ZNF280D: variants seen among roughly 807,000 people sequenced by gnomAD.
ZNF280D encodes the protein zinc finger protein 280D.
Under a neutral mutation model 94.7 loss-of-function variants are expected in ZNF280D, and 39 were observed. The observed-to-expected ratio is 0.41, with a 90% CI of 0.32 to 0.54. The LOEUF is 0.54. Among genes scored for constraint, ZNF280D ranks in the 20% least tolerant of loss-of-function variants. The pLI, the probability that ZNF280D is intolerant of heterozygous loss-of-function variation, is 0.22. For synonymous variants in ZNF280D, 398 were observed against 377.6 expected (o/e 1.05, Z -0.63); for missense variants, 1,090 against 1,149.3 (o/e 0.95, Z 0.75).
intron 1 of ZNF280D, among the ~76,000 whole-genome samples, chr15:56,732,138 G>A (rs1018809005): frequency 6.6e-6 from 1 of 152,192 alleles, no homozygotes; most frequent in African/African-American, 2.4e-5. Flanking sequence ...CACCGGAGAA[G>A]GAGTCAGAAG....
chr15:56,670,263 C>T (rs192483709), intron 13 of ZNF280D, among the ~76,000 whole-genome samples: 3 of 150,056 alleles, frequency 2.0e-5, no homozygotes, highest in South Asian at 2.1e-4. Context: ...CACAGGTAAA[C>T]GTGTATCCCG....
Position 56,631,590 on chromosome 15 carries a change from C to G in ZNF280D, c.2848G>C (p.Val950Leu), listed in dbSNP as rs2052076377. The G allele has an allele frequency of 1.2e-6, 2 of 1,614,008 alleles. No individual in the cohort carries two copies. Among genetic ancestry groups the G allele is most frequent in the Middle Eastern group, 1.6e-4 (1 of 6,084 alleles). ...GDPSAKTDEVVSDQTDDIPGG... is the reference protein window; with the variant it reads ...GDPSAKTDEVLSDQTDDIPGG... ...GGAATGTCATCTGTTTGATCAGACA[C>G]TACTTCATCAGTCTTGGCTGAAGGA... The change falls in exon 22 of 22, where the codon GTG becomes CTG. Residue 950 changes from valine to leucine, a missense_variant. Coordinates refer to ENST00000267807, the MANE Select transcript of ZNF280D (RefSeq NM_017661.4).
At chr15:56,692,314 G>A (rs2056467763) in intron 7 of ZNF280D, among the ~76,000 whole-genome samples, 1 of 152,026 alleles carries the variant, frequency 6.6e-6, no homozygotes, top group East Asian at 1.9e-4. Context: ...AAAAAACTGG[G>A]AGAGGGTTTG....
At chr15:56,670,606 G>A (rs554366151) in intron 13 of ZNF280D, among the ~76,000 whole-genome samples, 2 of 152,098 alleles carry the variant, frequency 1.3e-5, no homozygotes, top group East Asian at 1.9e-4. Context: ...GGGCATCTAG[G>A]CTGATTGCAT....
chr15:56,733,023 G>C (rs1190793676), intron 1 of ZNF280D: 1 of 152,426 alleles, frequency 6.6e-6, no homozygotes, highest in East Asian at 1.9e-4. Context: ...CCTTTCCTAC[G>C]ACTGAAGAGA....
At chr15:56,662,936 G>A (rs565158223) in intron 16 of ZNF280D, among the ~76,000 whole-genome samples, 22 of 151,618 alleles carry the variant, frequency 1.5e-4, no homozygotes, top group African/African-American at 5.1e-4. Flanking sequence ...CTGAGAGGAA[G>A]GAACAGGGTA....
At chr15:56,731,676 T>C (rs1185832574) in intron 1 of ZNF280D, among the ~76,000 whole-genome samples, 2 of 152,132 alleles carry the variant, frequency 1.3e-5, no homozygotes, top group African/African-American at 4.8e-5. Context: ...AAATACATAC[T>C]GACACACATA....
chr15:56,717,440 T>C (rs2058105254), intron 1 of ZNF280D, among the ~76,000 whole-genome samples: 1 of 152,122 alleles, frequency 6.6e-6, no homozygotes, highest in African/African-American at 2.4e-5. Context: ...GAACTTTGTG[T>C]GGCTCAAGTA....
At chr15:56,672,178 T>C (rs1186225546) in intron 13 of ZNF280D, among the ~76,000 whole-genome samples, 3 of 152,118 alleles carry the variant, frequency 2.0e-5, no homozygotes, top group Admixed American at 1.3e-4. Context: ...TGTTTCTTTC[T>C]TTTGCCTGAT....
At position 56,704,104 on chromosome 15, in the gene ZNF280D, TA is replaced by T. The variant is rs1457693501; in HGVS notation, c.175+16del. The T allele has an allele frequency of 8.7e-6, 14 of 1,612,782 alleles. No individual in the cohort carries two copies. Among genetic ancestry groups the T allele is most frequent in the Non-Finnish European group, 1.2e-5 (14 of 1,179,626 alleles). The stretch of plus-strand genomic sequence containing the variant: ...AATACCTTATAAAGCTTGGTTTCAC[TA>T]AAAGTAAATGCTTACTTGAAATTGC... On this transcript the variant is annotated intron_variant, in intron 4 of 21. Transcript: ENST00000267807.
chr15:56,653,723 A>G lies in ZNF280D; in HGVS notation c.2213+475T>C, dbSNP rs2140677259. ...ACAAACAGACAAAAGACAAACAGCC[A>G]TATAATTTGGAATCTATTATTCTGA... On this transcript the variant is annotated intron_variant, in intron 19 of 21. Coordinates refer to ENST00000267807, the MANE Select transcript of ZNF280D (RefSeq NM_017661.4). 3.0e-6 allele frequency: 4 copies of G among 1,318,194 alleles called. 1 individual carries two copies. The highest frequency in any genetic ancestry group is 4.5e-5 in the South Asian group (2 of 44,496). 81.7% of individuals were successfully genotyped at this position (1,318,194 alleles called of 1,614,324 possible).
intron 6 of ZNF280D, among the ~76,000 whole-genome samples, chr15:56,696,655 AACT>A (rs1255056072): frequency 2.6e-5 from 4 of 152,224 alleles, no homozygotes; most frequent in Non-Finnish European, 5.9e-5. Flanking sequence ...TAAAATAAAA[AACT>A]ACTATAGTTT....
intron 3 of ZNF280D, among the ~76,000 whole-genome samples, chr15:56,706,867 T>C (rs770977381): frequency 6.6e-6 from 1 of 152,216 alleles, no homozygotes; most frequent in Non-Finnish European, 1.5e-5. Flanking sequence ...TGTACCAAAT[T>C]GGTAAAAGTA....
intron 1 of ZNF280D, among the ~76,000 whole-genome samples, chr15:56,715,937 T>C (rs557906082): frequency 7.9e-5 from 12 of 152,144 alleles, no homozygotes; most frequent in Non-Finnish European, 1.3e-4. Flanking sequence ...CTTTAAAAAA[T>C]ATATAACAAC....
intron 1 of ZNF280D, among the ~76,000 whole-genome samples, chr15:56,722,486 A>T (rs558389999): frequency 3.3e-5 from 5 of 152,228 alleles, no homozygotes; most frequent in Non-Finnish European, 7.3e-5. Flanking sequence ...CATTATTCAT[A>T]ATAGCCAAAA....
At chr15:56,706,990 T>G (rs2057443977) in intron 3 of ZNF280D, 92 bp downstream of exon 3, 2 of 1,318,876 alleles carry the variant, frequency 1.5e-6, no homozygotes, top group Non-Finnish European at 2.2e-6. Flanking sequence ...TTTTGTTTTT[T>G]AAAAAATGTC....
chr15:56,724,354 G>C (rs75556233), intron 1 of ZNF280D, among the ~76,000 whole-genome samples: 5 of 152,104 alleles, frequency 3.3e-5, no homozygotes, highest in Admixed American at 1.3e-4. Flanking sequence ...AGCAGAGCTC[G>C]GTTAGGTTAT....
At position 56,654,434 on chromosome 15, in the gene ZNF280D, T is replaced by C. The variant is rs1209002523; in HGVS notation, c.2127A>G (p.Thr709=). 4.3e-6 allele frequency: 7 copies of C among 1,612,424 alleles called. No individual in the cohort carries two copies. The highest frequency in any genetic ancestry group is 1.7e-5 in the Admixed American group (1 of 59,736). ...TATGAGTTTTATGTTGACTTAAGTG[T>C]GTAGCCATATTATCTAAGCCAGAAA... The part of the protein sequence containing the change: ...SDVSGLDNMA[T]HLSQHKTHTC... Residue 709 remains threonine (T), a synonymous_variant, in exon 18 of 22, where the codon ACA becomes ACG. Transcript: ENST00000267807.
rs970066815 is a variant in ZNF280D, at chr15:56,653,534, A to G, written c.2213+664T>C. ...GAGAGAACAGGCATCAGTTGTGTCCATCGAAGGGGGACACTGTCCAGGTAT... is the reference window on the plus strand; with the variant it reads ...GAGAGAACAGGCATCAGTTGTGTCCGTCGAAGGGGGACACTGTCCAGGTAT... On this transcript the variant is annotated intron_variant, in intron 19 of 21. Transcript: ENST00000267807. 1.4e-5 allele frequency: 21 copies of G among 1,523,036 alleles called. No homozygotes were observed. In the East Asian group the frequency reaches 1.5e-4, roughly 11 times the overall value. 94.3% of individuals were successfully genotyped at this position (1,523,036 alleles called of 1,614,324 possible). A position where few individuals can be genotyped will look rare whatever the true frequency, so the allele number is the denominator to read the frequency against.
Sources: gnomAD v4.1 joint callset for allele counts (sites outside exome capture counted in the v4.1 genomes callset) on GRCh38, gnomAD v4.1.1 for gene constraint, MANE v1.5 for transcripts, NCBI Gene and HGNC (gene_info 2026-07-23, HGNC 2026-07-21) for gene names.